The following CDH9 variants were observed in gnomAD, a reference collection of about 807,000 sequenced individuals.
CDH9 encodes cadherin 9, also known as cadherin-9.
In CDH9, 28 loss-of-function variants were observed where a neutral mutation model predicts 70.9. The observed-to-expected ratio is 0.40, with a 90% confidence interval of 0.29 to 0.54. The LOEUF (loss-of-function observed/expected upper bound fraction) is 0.54. Among genes scored for constraint, CDH9 ranks in the 20% least tolerant of loss-of-function variants. The pLI is 0.59. For missense variants in CDH9, 874 were observed against 984.4 expected (o/e 0.89, Z 1.50); for synonymous variants, 409 against 343.1 (o/e 1.19, Z -2.12).
At chr5:27,032,853 CATATA>C (rs1743332211) in intron 1 of CDH9, among the ~76,000 whole-genome samples, 2 of 150,966 alleles carry the variant, frequency 1.3e-5, no homozygotes, top group African/African-American at 4.8e-5. Flanking sequence ...AAAATTTCAC[CATATA>C]ATATATTTGC....
At position 26,960,090 on chromosome 5, in the gene CDH9, T is replaced by G. The variant is rs180680955; in HGVS notation, c.228+28016A>C. ...GTCTTTAATTCTTTTTCTCTTCTAT[T>G]ATGAAATTGCAAAATACTATGTAAA... On this transcript the variant is annotated intron_variant, in intron 2 of 11. Coordinates refer to ENST00000231021, the MANE Select transcript of CDH9 (RefSeq NM_016279.4). Among the ~76,000 whole-genome samples the G allele has an allele frequency of 6.9e-4, 105 of 152,020 alleles. 2 individuals are homozygous for G. In the East Asian group the frequency reaches 0.019, roughly 28 times the overall value.
intron 2 of CDH9, among the ~76,000 whole-genome samples, chr5:26,929,383 T>C (rs1381236843): frequency 1.3e-5 from 2 of 152,068 alleles, no homozygotes; most frequent in African/African-American, 2.4e-5. Flanking sequence ...CCTTGTATAT[T>C]GTTGGCAGGA....
chr5:26,980,656 G>A (rs573977589), intron 2 of CDH9, among the ~76,000 whole-genome samples: 1 of 151,864 alleles, frequency 6.6e-6, no homozygotes, highest in Non-Finnish European at 1.5e-5. Context: ...AAGGAAACAT[G>A]GTAGTTTCTA....
chr5:26,895,323 G>A (rs561637387), intron 7 of CDH9, among the ~76,000 whole-genome samples: 5 of 151,986 alleles, frequency 3.3e-5, no homozygotes, highest in African/African-American at 1.2e-4. Context: ...TTTTTGCAGA[G>A]ATTAGTGATA....
chr5:26,926,917 G>GC (rs55917148), intron 2 of CDH9, among the ~76,000 whole-genome samples: 34,798 of 124,658 alleles, frequency 0.28, 5,046 homozygotes, highest in South Asian at 0.41. Flanking sequence ...CAAAAATACA[G>GC]CCCCCCCCCG....
chr5:26,937,015 A>G (rs1741570804), intron 2 of CDH9, among the ~76,000 whole-genome samples: 2 of 152,124 alleles, frequency 1.3e-5, no homozygotes, highest in South Asian at 4.1e-4. Context: ...ATGATCCATG[A>G]AAGAAAAATT....
At chr5:26,990,109 C>T (rs1029347330) in intron 1 of CDH9, among the ~76,000 whole-genome samples, 1 of 152,064 alleles carries the variant, frequency 6.6e-6, no homozygotes, top group Non-Finnish European at 1.5e-5. Flanking sequence ...ACAGTGCTAG[C>T]ACAAAACTCA....
intron 2 of CDH9, among the ~76,000 whole-genome samples, chr5:26,967,562 T>C (rs1258414500): frequency 6.6e-6 from 1 of 152,194 alleles, no homozygotes; most frequent in Non-Finnish European, 1.5e-5. Flanking sequence ...TATCAAAATA[T>C]ATTCTAGGTA....
intron 2 of CDH9, among the ~76,000 whole-genome samples, chr5:26,964,649 T>A (rs1742097831): frequency 6.6e-6 from 1 of 152,158 alleles, no homozygotes; most frequent in African/African-American, 2.4e-5. Flanking sequence ...TTAATTGTTA[T>A]ACTTTAAGTT....
At chr5:26,891,059 A>C (rs1358248510) in intron 7 of CDH9, among the ~76,000 whole-genome samples, 1 of 152,220 alleles carries the variant, frequency 6.6e-6, no homozygotes, top group African/African-American at 2.4e-5. Flanking sequence ...AGCTGAATCA[A>C]GGTCTTTCTC....
intron 5 of CDH9, among the ~76,000 whole-genome samples, chr5:26,904,512 T>C (rs149244797): frequency 6.6e-6 from 1 of 152,200 alleles, no homozygotes; most frequent in East Asian, 1.9e-4. Flanking sequence ...TAAAGGCTTA[T>C]ATGCTAATTT....
chr5:26,887,039 T>A (rs1740577591), intron 9 of CDH9, among the ~76,000 whole-genome samples: 1 of 152,176 alleles, frequency 6.6e-6, no homozygotes, highest in African/African-American at 2.4e-5. Context: ...ACTGTATACC[T>A]TTTATAACTA....
chr5:27,016,368 C>T (rs1172937239), intron 1 of CDH9, among the ~76,000 whole-genome samples: 1 of 151,742 alleles, frequency 6.6e-6, no homozygotes, highest in Non-Finnish European at 1.5e-5. Context: ...GAAAATGCCA[C>T]CATGTGAGCA....
Position 26,915,651 on chromosome 5 carries a change from C to T in CDH9, c.502G>A (p.Val168Ile). The T allele has an allele frequency of 6.3e-7, 1 of 1,598,992 alleles. No homozygotes were observed. Residue 168 changes from valine to isoleucine, a missense_variant, in exon 3 of 12, where the codon GTT becomes ATT. Physicochemically the swap from Val to Ile is conservative, Grantham distance 29. Coordinates refer to ENST00000231021, the MANE Select transcript of CDH9 (RefSeq NM_016279.4). ...KFTKDLYTAS[V>I]PEMSGVGTSV... is the part of the protein sequence containing the mutation. ...CTACCGACTCCAGACATTTCAGGAA[C>T]ACTGGCAGTGTATAAGTCTTTTGTA...
chr5:26,997,979 T>A (rs1399311255), intron 1 of CDH9, among the ~76,000 whole-genome samples: 2 of 152,148 alleles, frequency 1.3e-5, no homozygotes. Context: ...ATTACAAGAG[T>A]GAGCCACCAT....
intron 1 of CDH9, among the ~76,000 whole-genome samples, chr5:27,022,964 T>C (rs1271153076): frequency 1.3e-5 from 2 of 152,018 alleles, no homozygotes; most frequent in African/African-American, 4.8e-5. Context: ...CCTTATAGGA[T>C]GGAAGCTTAT....
At chr5:26,929,117 T>A (rs1439136795) in intron 2 of CDH9, among the ~76,000 whole-genome samples, 1 of 151,938 alleles carries the variant, frequency 6.6e-6, no homozygotes, top group East Asian at 1.9e-4. Context: ...ACTGAATATA[T>A]AATGAGCTCA....
At chr5:26,941,052 C>T (rs534582195) in intron 2 of CDH9, among the ~76,000 whole-genome samples, 2 of 152,318 alleles carry the variant, frequency 1.3e-5, no homozygotes, top group African/African-American at 2.4e-5. Flanking sequence ...GAATGAATGT[C>T]TTCCACCAAC....
At chr5:26,956,042 C>T (rs988537725) in intron 2 of CDH9, among the ~76,000 whole-genome samples, 8 of 152,164 alleles carry the variant, frequency 5.3e-5, no homozygotes, top group Non-Finnish European at 1.2e-4. Flanking sequence ...GATACTTAGG[C>T]CACGAAGTTT....
Sources: gnomAD v4.1 joint callset for allele counts (sites outside exome capture counted in the v4.1 genomes callset) on GRCh38, gnomAD v4.1.1 for gene constraint, MANE v1.5 for transcripts, NCBI Gene and HGNC (gene_info 2026-07-23, HGNC 2026-07-21) for gene names.